Variants in TMEM128 observed in about 807,000 individuals in gnomAD.
The protein encoded by TMEM128 is transmembrane protein 128.
TMEM128 carries 16 observed loss-of-function variants against 19.7 expected under a neutral mutation model. The ratio of observed to expected loss-of-function variants is 0.81; its 90% CI spans 0.55 to 1.23. The LOEUF (loss-of-function observed/expected upper bound fraction) is 1.23. TMEM128 is among the 50% of genes most tolerant of loss of function. TMEM128 has a pLI of 0.00. For synonymous variants in TMEM128, 98 were observed against 75.8 expected (o/e 1.29, Z -1.52); for missense variants, 237 against 200.8 (o/e 1.18, Z -1.09).
At chr4:4,248,006 G>A in intron 1 of TMEM128, 100 bp downstream of exon 1, 10 of 1,480,890 alleles carry the variant, frequency 6.8e-6, no homozygotes, top group Middle Eastern at 2.4e-4. Flanking sequence ...TTGCAAAGCC[G>A]AAACTCAGTC....
intron 1 of TMEM128, among the ~76,000 whole-genome samples, chr4:4,247,180 C>A (rs1718215369): frequency 6.6e-6 from 1 of 152,178 alleles, no homozygotes. Context: ...TTTTTCCTGT[C>A]TGGAACGCAA....
chr4:4,243,116 G>C (rs1222800210), intron 2 of TMEM128, among the ~76,000 whole-genome samples: 1 of 152,120 alleles, frequency 6.6e-6, no homozygotes, highest in Non-Finnish European at 1.5e-5. Context: ...GTCTCGCTCT[G>C]TCGCCCAGGC....
At chr4:4,247,232 T>A (rs946079145) in intron 1 of TMEM128, among the ~76,000 whole-genome samples, 1 of 152,136 alleles carries the variant, frequency 6.6e-6, no homozygotes, top group Non-Finnish European at 1.5e-5. Flanking sequence ...AGATGGATGA[T>A]TTCTATTAAG....
Position 4,236,044 on chromosome 4 carries a change from A to T in TMEM128, c.*222T>A, listed in dbSNP as rs1717705529. ...CACAATTTTCCCCAGGAAACCATTC[A>T]CTTCATAGCTGCAAAAACACACTGT... On this transcript the variant is annotated 3_prime_UTR_variant, in exon 5 of 5. Coordinates refer to ENST00000382753, the MANE Select transcript of TMEM128 (RefSeq NM_001297551.2). The T allele has an allele frequency of 6.6e-6, 1 of 152,244 alleles. No individual in the cohort carries two copies. The highest frequency in any genetic ancestry group is 2.4e-5 in the African/African-American group (1 of 41,472). 9.4% of individuals were successfully genotyped at this position (152,244 alleles called of 1,614,324 possible).
chr4:4,246,881 G>C (rs1338013619), intron 1 of TMEM128, among the ~76,000 whole-genome samples: 1 of 151,940 alleles, frequency 6.6e-6, no homozygotes, highest in Non-Finnish European at 1.5e-5. Context: ...CCGAGTACCT[G>C]GGATTACAGG....
At chr4:4,237,630 T>A (rs1185352192) in intron 4 of TMEM128, among the ~76,000 whole-genome samples, 197 bp downstream of exon 4, 2 of 152,066 alleles carry the variant, frequency 1.3e-5, no homozygotes, top group Non-Finnish European at 2.9e-5. Flanking sequence ...GACAACAGAG[T>A]GAGAAGCTGT....
At chr4:4,245,175 T>C (rs1718115600) in intron 2 of TMEM128, among the ~76,000 whole-genome samples, 1 of 152,120 alleles carries the variant, frequency 6.6e-6, no homozygotes, top group Non-Finnish European at 1.5e-5. Context: ...CTCACCAACA[T>C]ACCTCTCCCT....
At chr4:4,238,859 C>T (rs1309288426) in intron 3 of TMEM128, among the ~76,000 whole-genome samples, 2 of 152,080 alleles carry the variant, frequency 1.3e-5, no homozygotes, top group Non-Finnish European at 2.9e-5. Flanking sequence ...ACAGCGAAAC[C>T]CCATCTCTAC....
chr4:4,237,060 A>G (rs1717750004), intron 4 of TMEM128: 3 of 455,572 alleles, frequency 6.6e-6, no homozygotes, highest in Non-Finnish European at 1.3e-5. Flanking sequence ...AAGGCAGCAG[A>G]TCTCAGGATG....
chr4:4,246,493 T>C (rs1560221289), intron 1 of TMEM128, 150 bp from the exon 2 acceptor site: 4 of 731,226 alleles, frequency 5.5e-6, no homozygotes, highest in Non-Finnish European at 6.2e-6. Context: ...GATAGGTTTA[T>C]ATTTACAAAA....
chr4:4,239,169 A>AT (rs148800057), intron 3 of TMEM128, among the ~76,000 whole-genome samples: 13 of 152,144 alleles, frequency 8.5e-5, no homozygotes, highest in African/African-American at 1.2e-4. Context: ...TAATTTACAG[A>AT]TTTTTTTTCC....
At chr4:4,237,600 T>C (rs1431621469) in intron 4 of TMEM128, among the ~76,000 whole-genome samples, 1 of 152,194 alleles carries the variant, frequency 6.6e-6, no homozygotes, top group African/African-American at 2.4e-5. Flanking sequence ...GCTGTGATCA[T>C]GCCACCGTAC....
At chr4:4,236,838 G>C (rs866944457) in intron 4 of TMEM128, among the ~76,000 whole-genome samples, 104 of 152,142 alleles carry the variant, frequency 6.8e-4, no homozygotes, top group African/African-American at 2.4e-3. Flanking sequence ...AAAATTTAGC[G>C]TATTAACTTT....
At position 4,248,074 on chromosome 4, in the gene TMEM128, A is replaced by G. The variant is rs1362209369; in HGVS notation, c.97+32T>C. 5 of 1,534,660 alleles carry G rather than the reference A, an allele frequency of 3.3e-6. No individual in the cohort carries two copies. In the East Asian group the frequency reaches 1.2e-4, roughly 38 times the overall value. ...GCCGTTTTCCGACGCCTCGCCTCTG[A>G]GAACCTCGGGGCGGCTTGGTGCGCG... On this transcript the variant is annotated intron_variant, in intron 1 of 4. Transcript: ENST00000382753.
chr4:4,248,177 T>C lies in TMEM128; in HGVS notation c.26A>G (p.Gln9Arg). Residue 9 changes from glutamine (Q) to arginine (R), a missense_variant, in exon 1 of 5, where the codon CAG becomes CGG. Gln to Arg is a conservative substitution (Grantham distance 43, BLOSUM62 1). Transcript: ENST00000382753. The part of the protein sequence containing the change: MDSSRARQ[Q>R]LRRRFLLLPD... ...CAGGAGGAGGAATCGCCGCCGGAGC[T>C]GCTGCCGGGCCCGCGAGGAGTCCAT... 3 of 1,531,716 alleles carry C rather than the reference T, an allele frequency of 2.0e-6. No individual in the cohort carries two copies. The highest frequency in any genetic ancestry group is 1.4e-5 in the African/African-American group (1 of 71,832). The allele number at this position is 1,531,716 out of a possible 1,614,324, so 94.9% of individuals were successfully genotyped here. A position where few individuals can be genotyped will look rare whatever the true frequency, so the allele number is the denominator to read the frequency against.
At chr4:4,239,087 CTGCACACAACA>C (rs1282158843) in intron 3 of TMEM128, among the ~76,000 whole-genome samples, 1 of 152,114 alleles carries the variant, frequency 6.6e-6, no homozygotes, top group Non-Finnish European at 1.5e-5. Context: ...AACTAGAGAG[CTGCACACAACA>C]TAGGAAAAGT....
rs988095726 is a variant in TMEM128, at chr4:4,248,169, G to T, written c.34C>A (p.Arg12=). The T allele has an allele frequency of 2.6e-6, 4 of 1,532,204 alleles. No homozygotes were observed. In the East Asian group the frequency reaches 1.0e-4, roughly 38 times the overall value. 94.9% of individuals were successfully genotyped at this position (1,532,204 alleles called of 1,614,324 possible). ...DSSRARQQLR[R]RFLLLPDAEA... ...GCGTCCGGCAGGAGGAGGAATCGCC[G>T]CCGGAGCTGCTGCCGGGCCCGCGAG... The change falls in exon 1 of 5, where the codon CGG becomes AGG. Residue 12 remains arginine, a synonymous_variant. Transcript: ENST00000382753.
intron 3 of TMEM128, among the ~76,000 whole-genome samples, chr4:4,239,035 T>A (rs1717837541): frequency 6.6e-6 from 1 of 151,390 alleles, no homozygotes; most frequent in Non-Finnish European, 1.5e-5. Context: ...AGACCCTATC[T>A]CCAAAAAGAA....
At chr4:4,243,131 G>A (rs1278611854) in intron 2 of TMEM128, among the ~76,000 whole-genome samples, 2 of 152,148 alleles carry the variant, frequency 1.3e-5, no homozygotes, top group African/African-American at 4.8e-5. Flanking sequence ...CCAGGCTGGA[G>A]TGCAGTGGCG....
Sources: allele counts gnomAD v4.1 joint callset (sites outside exome capture counted in the v4.1 genomes callset), GRCh38; gene constraint gnomAD v4.1.1; transcripts MANE v1.5; gene names NCBI Gene and HGNC (gene_info 2026-07-23, HGNC 2026-07-21).